MYO5A: variants seen among roughly 807,000 people sequenced by gnomAD.
MYO5A encodes myosin VA, also known as unconventional myosin-Va.
MYO5A carries 98 observed loss-of-function variants against 249.7 expected under a neutral mutation model. That is an observed-to-expected ratio of 0.39 (90% CI 0.33 to 0.46). MYO5A has a LOEUF of 0.46. Among genes scored for constraint, MYO5A ranks in the 20% least tolerant of loss-of-function variants. The pLI, the probability that MYO5A is intolerant of heterozygous loss-of-function variation, is 0.98. For missense variants in MYO5A, 1,696 were observed against 2,308.8 expected (o/e 0.73, Z 5.44); for synonymous variants, 778 against 810.6 (o/e 0.96, Z 0.68).
At chr15:52,351,575 G>A in intron 27 of MYO5A, 94 bp from the exon 28 acceptor site, 1 of 1,283,898 alleles carries the variant, frequency 7.8e-7, no homozygotes, top group Non-Finnish European at 1.1e-6. Flanking sequence ...GAATTCTGCT[G>A]AAAAAGTTCA....
intron 1 of MYO5A, chr15:52,505,425 T>G: frequency 1.2e-6 from 1 of 837,306 alleles, no homozygotes; most frequent in Admixed American, 1.7e-5. Context: ...TGGGCAAGTA[T>G]GGTCCTGCAG....
rs527361464 is a variant in MYO5A at position 52,312,015 on chromosome 15, A to G, written c.*1681T>C. 1 of 152,728 alleles carries G rather than the reference A, an allele frequency of 6.5e-6. No homozygotes were observed. The highest frequency in any genetic ancestry group is 2.4e-5 in the African/African-American group (1 of 41,582). 9.5% of individuals were successfully genotyped at this position (152,728 alleles called of 1,614,324 possible). A position where few individuals can be genotyped will look rare whatever the true frequency, so the allele number is the denominator to read the frequency against. On this transcript the variant is annotated 3_prime_UTR_variant, in exon 42 of 42. Transcript: ENST00000399233. ...GAACCAGAGTTTCTAATGAAAACTA[A>G]TAATTTGCTTTTGTGCAACCTGAAG...
chr15:52,523,495 AG>A (rs1460633200), intron 1 of MYO5A, among the ~76,000 whole-genome samples: 1 of 152,228 alleles, frequency 6.6e-6, no homozygotes, highest in African/African-American at 2.4e-5. Flanking sequence ...TAGGCTCTAC[AG>A]GAGGTAAACA....
chr15:52,445,176 C>T (rs1233991204), intron 1 of MYO5A, among the ~76,000 whole-genome samples: 1 of 152,164 alleles, frequency 6.6e-6, no homozygotes, highest in Non-Finnish European at 1.5e-5. Context: ...ATCATGTGGG[C>T]AGATCCCTCA....
intron 1 of MYO5A, among the ~76,000 whole-genome samples, chr15:52,516,599 C>T (rs1468951902): frequency 1.3e-5 from 2 of 152,206 alleles, no homozygotes; most frequent in African/African-American, 4.8e-5. Flanking sequence ...ACGGCAATGA[C>T]CTGAAGGCCT....
At chr15:52,463,404 T>C (rs562469685) in intron 1 of MYO5A, among the ~76,000 whole-genome samples, 9 of 152,344 alleles carry the variant, frequency 5.9e-5, no homozygotes, top group African/African-American at 1.9e-4. Context: ...GAGTTAAGTA[T>C]TTCTTAAGAC....
In MYO5A at chr15:52,396,332, T is replaced by G; in HGVS notation, c.1385A>C (p.Gln462Pro). The change falls in exon 11 of 42, where the codon CAG becomes CCG. Residue 462 changes from glutamine to proline, a missense_variant. Gln to Pro is a moderately conservative substitution (Grantham distance 76). Transcript: ENST00000399233. ...CATTCTTACCATATTGAATTGTTGC[T>G]GTAGTTTTTCATTTGCATAATTTAT... ...FCINYANEKL[Q>P]QQFNMHVFKL... 1 of 1,548,970 alleles carries G rather than the reference T, an allele frequency of 6.5e-7. No individual in the cohort carries two copies. Among genetic ancestry groups the G allele is most frequent in the Non-Finnish European group, 8.9e-7 (1 of 1,123,922 alleles).
At chr15:52,526,005 G>A (rs2077723456) in intron 1 of MYO5A, among the ~76,000 whole-genome samples, 1 of 152,180 alleles carries the variant, frequency 6.6e-6, no homozygotes. Context: ...CAGGATGCCT[G>A]ATAAGTATTT....
At position 52,313,592 on chromosome 15, in the gene MYO5A, T is replaced by C. The variant is rs1012972375; in HGVS notation, c.*104A>G. ...TAATGACTTCTCATTTGGGAGATAA[T>C]CAGTACTTTCTCTTTAAAAATGTAT... On this transcript the variant is annotated 3_prime_UTR_variant, in exon 42 of 42. Transcript: ENST00000399233. The C allele has an allele frequency of 8.7e-6, 12 of 1,378,994 alleles. No homozygotes were observed. The African/African-American group carries it at 1.3e-4, about 15-fold the overall frequency. 85.4% of individuals were successfully genotyped at this position (1,378,994 alleles called of 1,614,324 possible).
chr15:52,349,863 C>G (rs920219275), intron 28 of MYO5A, among the ~76,000 whole-genome samples: 1 of 152,162 alleles, frequency 6.6e-6, no homozygotes, highest in African/African-American at 2.4e-5. Flanking sequence ...TAAGGTGCAA[C>G]CTATACGGCA....
chr15:52,375,511 G>A (rs763472551), intron 19 of MYO5A, 51 bp from the exon 20 acceptor site: 2 of 1,592,286 alleles, frequency 1.3e-6, no homozygotes, highest in Admixed American at 1.7e-5. Context: ...AAAAATGCAG[G>A]AATACATATT....
At chr15:52,493,831 A>C (rs2076983979) in intron 1 of MYO5A, among the ~76,000 whole-genome samples, 1 of 152,210 alleles carries the variant, frequency 6.6e-6, no homozygotes, top group Non-Finnish European at 1.5e-5. Flanking sequence ...ATAGACAAGA[A>C]TTGAAGGAAG....
At chr15:52,510,498 G>T (rs928358567) in intron 1 of MYO5A, among the ~76,000 whole-genome samples, 2 of 152,178 alleles carry the variant, frequency 1.3e-5, no homozygotes, top group Non-Finnish European at 2.9e-5. Flanking sequence ...CCAGTCCCTG[G>T]CCTGTTAGGA....
At chr15:52,431,244 A>AAAAAAAAAAAAAC (rs2075527539) in intron 2 of MYO5A, among the ~76,000 whole-genome samples, 1 of 149,284 alleles carries the variant, frequency 6.7e-6, no homozygotes, top group Non-Finnish European at 1.5e-5. Context: ...AAAAAAAAAA[A>AAAAAAAAAAAAAC]AAGTCTAGTG....
intron 34 of MYO5A, chr15:52,331,617 T>C (rs2038891387): frequency 1.0e-6 from 1 of 957,644 alleles, no homozygotes; most frequent in African/African-American, 1.8e-5. Context: ...GTAGTGCTTC[T>C]TGTGTCACTC....
intron 25 of MYO5A, among the ~76,000 whole-genome samples, chr15:52,356,800 CT>C (rs11316458): frequency 0.46 from 49,082 of 105,568 alleles, 8,842 homozygotes; most frequent in Admixed American, 0.51. Context: ...ATTTCTTTGA[CT>C]TTTTTTTTTT....
At chr15:52,430,965 C>T (rs1261444870) in intron 2 of MYO5A, among the ~76,000 whole-genome samples, 1 of 151,868 alleles carries the variant, frequency 6.6e-6, no homozygotes. Flanking sequence ...GGTGCAGTGG[C>T]TCATGCCTGT....
chr15:52,372,093 T>C, intron 21 of MYO5A, 31 bp downstream of exon 21: 2 of 1,613,024 alleles, frequency 1.2e-6, no homozygotes, highest in Non-Finnish European at 1.7e-6. Flanking sequence ...TCAGGCATAC[T>C]CCACTCTCAG....
At chr15:52,400,740 T>C (rs1033074568) in intron 9 of MYO5A, among the ~76,000 whole-genome samples, 15 of 152,228 alleles carry the variant, frequency 9.9e-5, no homozygotes, top group Non-Finnish European at 2.2e-4. Flanking sequence ...AGCTATGTGA[T>C]ATTGATTGGT....
Sources: allele counts gnomAD v4.1 joint callset (sites outside exome capture counted in the v4.1 genomes callset), GRCh38; gene constraint gnomAD v4.1.1; transcripts MANE v1.5; gene names NCBI Gene and HGNC (gene_info 2026-07-23, HGNC 2026-07-21).